Variants in ZBTB16 observed in about 807,000 individuals in gnomAD.
ZBTB16 encodes the protein zinc finger and BTB domain containing 16.
In ZBTB16, 8 loss-of-function variants were observed where a neutral mutation model predicts 56.8. The observed-to-expected ratio is 0.14, with a 90% confidence interval of 0.08 to 0.25. The LOEUF (loss-of-function observed/expected upper bound fraction) is 0.25. ZBTB16 is among the 10% of genes least tolerant of loss of function. The probability of loss-of-function intolerance (pLI) is 1.00; values close to 1 mark genes in which losing one functional copy is unlikely to be tolerated. For missense variants in ZBTB16, 625 were observed against 903.0 expected (o/e 0.69, Z 3.95); for synonymous variants, 363 against 368.5 (o/e 0.98, Z 0.17).
In ZBTB16 at chr11:114,118,724, A is replaced by G. The variant is rs547756146; in HGVS notation, c.1269-37613A>G. ...GCTTTCTGCTTCATATTGCATTTCT[A>G]CTCTCACCCCTAGGAGAACAGGTAA... is the stretch of plus-strand genomic sequence containing the variant. On this transcript the variant is annotated intron_variant, in intron 2 of 6. Coordinates refer to ENST00000335953, the MANE Select transcript of ZBTB16 (RefSeq NM_006006.6). Among the ~76,000 whole-genome samples the G allele has an allele frequency of 2.0e-5, 3 of 151,962 alleles. No homozygotes were observed. The East Asian group carries it at 5.8e-4, about 29-fold the overall frequency.
intron 2 of ZBTB16, among the ~76,000 whole-genome samples, chr11:114,105,265 G>C (rs1211020189): frequency 6.7e-6 from 1 of 148,950 alleles, no homozygotes; most frequent in Non-Finnish European, 1.5e-5. Context: ...TTGAGACGTG[G>C]AGTCTCGCTC....
At chr11:114,130,655 GA>G (rs1941636078) in intron 2 of ZBTB16, among the ~76,000 whole-genome samples, 1 of 152,244 alleles carries the variant, frequency 6.6e-6, no homozygotes, top group African/African-American at 2.4e-5. Context: ...AGCATCCAGT[GA>G]GGTGATCAAA....
intron 2 of ZBTB16, among the ~76,000 whole-genome samples, chr11:114,085,949 C>T (rs78409110): frequency 0.02 from 2,994 of 152,222 alleles, 91 homozygotes; most frequent in African/African-American, 0.068. Flanking sequence ...GGTGTGAGAC[C>T]ATGTGGCTGC....
At position 114,235,629 on chromosome 11, in the gene ZBTB16, C is replaced by CCTTCCTTTCTTT. The variant is rs767837990; in HGVS notation, c.1454-6535_1454-6534insCCTTTCTTTCTT. On this transcript the variant is annotated intron_variant, in intron 4 of 6. Transcript: ENST00000335953. Reference sequence around the variant, plus strand: ...CTCTTTCTTTCTTTCCCTCTCCCTTCCTTTCTTTCTTTCTTTCTTTCTTTC... The same window carrying CCTTCCTTTCTTT: ...CTCTTTCTTTCTTTCCCTCTCCCTTCCTTCCTTTCTTTCTTTCTTTCTTTCTTTCTTTCTTTC... Among the ~76,000 whole-genome samples the CCTTCCTTTCTTT allele has an allele frequency of 4.1e-3, 403 of 97,764 alleles. 2 individuals are homozygous for CCTTCCTTTCTTT. Among genetic ancestry groups the CCTTCCTTTCTTT allele is most frequent in the African/African-American group, 0.013 (324 of 24,082 alleles). 64.1% of individuals were successfully genotyped at this position (97,764 alleles called of 152,430 possible). A position where few individuals can be genotyped will look rare whatever the true frequency, so the allele number is the denominator to read the frequency against.
In ZBTB16 at chr11:114,077,757, A is replaced by C. The variant is rs531467294; in HGVS notation, c.1268+13189A>C. 3.4e-4 allele frequency among the ~76,000 whole-genome samples: 52 copies of C among 152,268 alleles called. 1 individual carries two copies. In the South Asian group the frequency reaches 6.8e-3, roughly 20 times the overall value. The stretch of plus-strand genomic sequence containing the variant: ...GGGAGGGGAAATCCCACCCAAGAGA[A>C]CCTTCTCCAGGTTCCTGTGGGTTTC... On this transcript the variant is annotated intron_variant, in intron 2 of 6. Transcript: ENST00000335953.
intron 2 of ZBTB16, among the ~76,000 whole-genome samples, chr11:114,093,508 C>G (rs1340288426): frequency 1.3e-5 from 2 of 152,162 alleles, no homozygotes; most frequent in Non-Finnish European, 2.9e-5. Flanking sequence ...TGAATAAACA[C>G]CAAGGCAAGA....
At chr11:114,112,321 CAAT>C (rs1941032841) in intron 2 of ZBTB16, among the ~76,000 whole-genome samples, 1 of 152,090 alleles carries the variant, frequency 6.6e-6, no homozygotes, top group East Asian at 1.9e-4. Context: ...AAAAATGTCA[CAAT>C]GATGTCTGTA....
At chr11:114,182,795 C>T (rs1172694698) in intron 3 of ZBTB16, among the ~76,000 whole-genome samples, 9 of 152,192 alleles carry the variant, frequency 5.9e-5, no homozygotes, top group African/African-American at 9.7e-5. Context: ...GGTTTATACA[C>T]ACTTGAGTTG....
In ZBTB16 at chr11:114,098,484, T is replaced by A. The variant is rs1371349923; in HGVS notation, c.1268+33916T>A. Among the ~76,000 whole-genome samples the A allele has an allele frequency of 4.6e-5, 7 of 151,956 alleles. 1 individual carries two copies. In the South Asian group the frequency reaches 6.2e-4, roughly 14 times the overall value. ...CTATACATTGATTGCTTTTAATTAG[T>A]GTTGGATCTTTTTTGGTGTTTTGCA... On this transcript the variant is annotated intron_variant, in intron 2 of 6. Coordinates refer to ENST00000335953, the MANE Select transcript of ZBTB16 (RefSeq NM_006006.6).
In ZBTB16 at chr11:114,128,404, T is replaced by G. The variant is rs1248470945; in HGVS notation, c.1269-27933T>G. ...TGGGCACAGTGGGGTGAAGTGAAGA[T>G]CTCAGACTCTGGAGTCAGACAGTCT... On this transcript the variant is annotated intron_variant, in intron 2 of 6. Transcript: ENST00000335953. Among the ~76,000 whole-genome samples, 4 of 152,176 alleles carry G rather than the reference T, an allele frequency of 2.6e-5. No homozygotes were observed. In the East Asian group the frequency reaches 7.7e-4, roughly 29 times the overall value.
In ZBTB16 at chr11:114,063,768, C is replaced by T. The variant is rs745689790; in HGVS notation, c.468C>T (p.Ile156=). The T allele has an allele frequency of 1.2e-6, 2 of 1,613,994 alleles. No homozygotes were observed. The highest frequency in any genetic ancestry group is 1.7e-6 in the Non-Finnish European group (2 of 1,180,052). Residue 156 remains isoleucine, a synonymous_variant, in exon 2 of 7, where the codon ATC becomes ATT. Coordinates refer to ENST00000335953, the MANE Select transcript of ZBTB16 (RefSeq NM_006006.6). The surrounding 1 kb of genome is among the most constrained non-coding windows in gnomAD (Gnocchi z 6.5). ...EDRKARYLKN[I]FISKHSSEES... ...GCAAGGCTCGGTACCTCAAGAACAT[C>T]TTCATCTCGAAGCATTCCAGCGAGG...
At chr11:114,170,349 GGACGTGCCCCA>G (rs919589121) in intron 3 of ZBTB16, among the ~76,000 whole-genome samples, 2 of 152,248 alleles carry the variant, frequency 1.3e-5, no homozygotes, top group African/African-American at 4.8e-5. Context: ...GACGGTCTCA[GGACGTGCCCCA>G]GCCCACCTCC....
At chr11:114,115,599 G>T (rs77103977) in intron 2 of ZBTB16, among the ~76,000 whole-genome samples, 3,249 of 152,172 alleles carry the variant, frequency 0.021, 111 homozygotes, top group African/African-American at 0.075. Flanking sequence ...GGGGTACTGG[G>T]TGTACACCAG....
intron 4 of ZBTB16, among the ~76,000 whole-genome samples, chr11:114,233,077 G>GCACACA (rs1326347388): frequency 5.6e-5 from 2 of 35,748 alleles, no homozygotes; most frequent in African/African-American, 1.6e-4. Context: ...GCGCGCGCGC[G>GCACACA]CGCGCACACA....
In ZBTB16 at chr11:114,063,311, CA is replaced by C; in HGVS notation, c.16del (p.Met6TrpfsTer3). 1 of 1,613,910 alleles carries C rather than the reference CA, an allele frequency of 6.2e-7. No individual in the cohort carries two copies. The highest frequency in any genetic ancestry group is 8.5e-7 in the Non-Finnish European group (1 of 1,180,008). ...GCCGAGGGGAGCACCATGGATCTGA[CA>C]AAAATGGGCATGATCCAGCTGCAGA... MDL[T>X]KMGMIQLQNP... On this transcript the variant is annotated frameshift_variant, in exon 2 of 7. Transcript: ENST00000335953. LOFTEE classifies it high-confidence loss of function. This position sits in a 1 kb window ranked among gnomAD's most constrained non-coding sequence, Gnocchi z 6.5.
At position 114,255,753 on chromosome 11, in the gene ZBTB16, GA is replaced by G. The variant is rs1944995270; in HGVS notation, c.*5200del. Among the ~76,000 whole-genome samples the G allele has an allele frequency of 6.7e-6, 1 of 150,250 alleles. No individual in the cohort carries two copies. On this transcript the variant is annotated 3_prime_UTR_variant, in exon 7 of 7. Transcript: ENST00000335953. ...AAAAAAGGAAAAAAAAAGAAAAAAT[GA>G]ATTTACTGCTGCAGGTTTTTTTCTC...
intron 3 of ZBTB16, among the ~76,000 whole-genome samples, chr11:114,180,397 C>A (rs1033687715): frequency 6.6e-6 from 1 of 152,172 alleles, no homozygotes; most frequent in Admixed American, 6.5e-5. Flanking sequence ...CAGATCACTG[C>A]CTGGGGGGCA....
chr11:114,106,602 C>T (rs751835657), intron 2 of ZBTB16, among the ~76,000 whole-genome samples: 2 of 151,856 alleles, frequency 1.3e-5, no homozygotes, highest in Non-Finnish European at 2.9e-5. Context: ...TCCCAAGTAG[C>T]TGGGACTATA....
intron 2 of ZBTB16, among the ~76,000 whole-genome samples, chr11:114,140,174 T>C (rs1014615923): frequency 2.0e-5 from 3 of 152,172 alleles, no homozygotes; most frequent in African/African-American, 7.2e-5. Context: ...TTGGTGCCTG[T>C]TTCCCTCTCA....
Sources: allele counts gnomAD v4.1 joint callset (sites outside exome capture counted in the v4.1 genomes callset), GRCh38; gene constraint gnomAD v4.1.1; non-coding constraint Gnocchi (gnomAD v3.1); transcripts MANE v1.5; gene names NCBI Gene and HGNC (gene_info 2026-07-23, HGNC 2026-07-21).